Variants in MACROD2 observed in about 807,000 individuals in gnomAD.
The protein encoded by MACROD2 is mono-ADP ribosylhydrolase 2, also known as ADP-ribose glycohydrolase MACROD2.
In MACROD2, 36 loss-of-function variants were observed where a neutral mutation model predicts 70.4. The observed-to-expected ratio is 0.51, with a 90% CI of 0.39 to 0.68. The LOEUF (loss-of-function observed/expected upper bound fraction) is 0.68, where lower values mean the gene tolerates loss of function less well. MACROD2 is among the 30% of genes least tolerant of loss of function. The pLI is 0.00. For synonymous variants in MACROD2, 172 were observed against 178.8 expected, an observed-to-expected ratio of 0.96 and a Z score of 0.30; for missense variants, 496 against 538.4, an observed-to-expected ratio of 0.92 and a Z score of 0.78.
At chr20:15,919,622 C>G (rs1350463118) in intron 10 of MACROD2, among the ~76,000 whole-genome samples, 1 of 152,102 alleles carries the variant, frequency 6.6e-6, no homozygotes, top group East Asian at 1.9e-4. Context: ...GTAATCCCAG[C>G]TACTCGGGAG....
chr20:14,343,165 A>T (rs1282858017), intron 3 of MACROD2, among the ~76,000 whole-genome samples: 2 of 151,774 alleles, frequency 1.3e-5, no homozygotes, highest in Admixed American at 6.6e-5. Context: ...ACTCCAGCTG[A>T]TATAGGTCAA....
intron 5 of MACROD2, among the ~76,000 whole-genome samples, chr20:15,206,568 A>ATG (rs1340675244): frequency 6.6e-6 from 1 of 151,836 alleles, no homozygotes; most frequent in South Asian, 2.1e-4. Flanking sequence ...ATTTTCCCTC[A>ATG]TGGCCAATCC....
At chr20:15,487,599 C>G (rs576577225) in intron 7 of MACROD2, among the ~76,000 whole-genome samples, 2 of 152,234 alleles carry the variant, frequency 1.3e-5, no homozygotes, top group South Asian at 4.1e-4. Context: ...ACTGGACCAC[C>G]CTTTTTTAGG....
rs1001782048 is a variant in MACROD2, at chr20:16,041,073, T to C, written c.1154-128T>C. The C allele has an allele frequency of 1.6e-5, 12 of 771,382 alleles. 1 individual carries two copies. The African/African-American group carries it at 2.2e-4, about 14-fold the overall frequency. 47.8% of individuals were successfully genotyped at this position (771,382 alleles called of 1,614,324 possible). ...CTCTGTTTCCTCTTTTAACCTTTTC[T>C]GCAAAAGAAGTTGAATCCCAGGAGT... On this transcript the variant is annotated intron_variant, in intron 15 of 17. Transcript: ENST00000684519.
At chr20:15,782,355 G>A (rs2051847936) in intron 8 of MACROD2, among the ~76,000 whole-genome samples, 1 of 151,864 alleles carries the variant, frequency 6.6e-6, no homozygotes, top group Non-Finnish European at 1.5e-5. Flanking sequence ...GAGTTGAGTG[G>A]GCTCTTCTGG....
chr20:14,185,300 C>T (rs909648074), intron 3 of MACROD2, among the ~76,000 whole-genome samples: 2 of 152,192 alleles, frequency 1.3e-5, no homozygotes, highest in African/African-American at 2.4e-5. Context: ...TATGTTCTGA[C>T]GCACTCTCAG....
intron 3 of MACROD2, among the ~76,000 whole-genome samples, chr20:14,390,190 G>C (rs1218872659): frequency 6.6e-6 from 1 of 152,096 alleles, no homozygotes; most frequent in Non-Finnish European, 1.5e-5. Flanking sequence ...AGCCAACTAG[G>C]GAGTTGAAAT....
intron 3 of MACROD2, among the ~76,000 whole-genome samples, chr20:14,111,114 A>T (rs982480539): frequency 6.6e-6 from 1 of 152,060 alleles, no homozygotes. Flanking sequence ...AAGAACATAC[A>T]TTGGGGAAAA....
chr20:14,105,882 C>A (rs1157186595), intron 3 of MACROD2, among the ~76,000 whole-genome samples: 1 of 152,150 alleles, frequency 6.6e-6, no homozygotes, highest in East Asian at 1.9e-4. Context: ...CAAAAGAGAA[C>A]CTGCGGCCTT....
At chr20:15,491,358 G>A (rs1044949647) in intron 7 of MACROD2, among the ~76,000 whole-genome samples, 5 of 152,168 alleles carry the variant, frequency 3.3e-5, no homozygotes, top group African/African-American at 9.7e-5. Context: ...AGGGGTGATC[G>A]CAAGATCAGA....
chr20:14,855,495 A>G (rs2073244147), intron 5 of MACROD2, among the ~76,000 whole-genome samples: 1 of 152,042 alleles, frequency 6.6e-6, no homozygotes, highest in Non-Finnish European at 1.5e-5. Context: ...GAATCTGTCC[A>G]AACAGTATTA....
chr20:14,219,793 CTCTT>C lies in MACROD2; in HGVS notation c.271+134066_271+134069del, dbSNP rs140119987. ...TGAGCCAAACTGCAGTGATTGCTCT[CTCTT>C]CTGGGTCTGGCCACCCAGAGAGTCT... On this transcript the variant is annotated intron_variant, in intron 3 of 17. Transcript: ENST00000684519. 2.2e-3 allele frequency among the ~76,000 whole-genome samples: 338 copies of C among 152,290 alleles called. 1 individual carries two copies. The highest frequency in any genetic ancestry group is 7.9e-3 in the African/African-American group (328 of 41,562).
intron 9 of MACROD2, among the ~76,000 whole-genome samples, chr20:15,873,869 A>G (rs1294564767): frequency 6.6e-6 from 1 of 152,052 alleles, no homozygotes; most frequent in Non-Finnish European, 1.5e-5. Flanking sequence ...TTTTATTTCT[A>G]ATTAGATTGT....
At chr20:15,827,604 G>A (rs1012422315) in intron 8 of MACROD2, among the ~76,000 whole-genome samples, 4 of 152,126 alleles carry the variant, frequency 2.6e-5, no homozygotes, top group African/African-American at 9.7e-5. Flanking sequence ...CTCCTTGTCC[G>A]TTGCCTTTCC....
intron 4 of MACROD2, among the ~76,000 whole-genome samples, chr20:14,665,693 A>T (rs889686855): frequency 1.6e-4 from 24 of 152,086 alleles, no homozygotes; most frequent in African/African-American, 5.8e-4. Flanking sequence ...AGTATATTAG[A>T]ATTTTTTTTC....
intron 5 of MACROD2, among the ~76,000 whole-genome samples, chr20:14,769,521 C>G (rs117172792): frequency 0.034 from 5,140 of 152,178 alleles, 132 homozygotes; most frequent in Non-Finnish European, 0.049. Context: ...CTGTAAATAT[C>G]TGTTGGAAAG....
At chr20:15,626,511 A>G (rs1280899512) in intron 8 of MACROD2, among the ~76,000 whole-genome samples, 1 of 152,172 alleles carries the variant, frequency 6.6e-6, no homozygotes, top group Non-Finnish European at 1.5e-5. Flanking sequence ...ACTAGGTGCA[A>G]AGCATTAGGC....
At chr20:14,412,861 G>T (rs750791149) in intron 3 of MACROD2, among the ~76,000 whole-genome samples, 2 of 152,182 alleles carry the variant, frequency 1.3e-5, no homozygotes, top group Non-Finnish European at 2.9e-5. Flanking sequence ...TGAATCTCAG[G>T]CAGCAGAGGA....
intron 6 of MACROD2, among the ~76,000 whole-genome samples, chr20:15,356,811 T>G (rs1022220494): frequency 6.6e-6 from 1 of 152,176 alleles, no homozygotes; most frequent in African/African-American, 2.4e-5. Context: ...AATACATATA[T>G]ACAAAATTTT....
Sources: gnomAD v4.1 joint callset for allele counts (sites outside exome capture counted in the v4.1 genomes callset) on GRCh38, gnomAD v4.1.1 for gene constraint, MANE v1.5 for transcripts, NCBI Gene and HGNC (gene_info 2026-07-23, HGNC 2026-07-21) for gene names.